The following DNM3 variants were observed in gnomAD, a reference collection of about 807,000 sequenced individuals.
The protein encoded by DNM3 is dynamin-3.
DNM3 carries 47 observed loss-of-function variants against 101.6 expected under a neutral mutation model. That is an observed-to-expected ratio of 0.46 (90% CI 0.37 to 0.59). The LOEUF (loss-of-function observed/expected upper bound fraction) is 0.59, where lower values mean the gene tolerates loss of function less well. DNM3 is among the 20% of genes least tolerant of loss of function. The pLI is 0.00. For missense variants in DNM3, 849 were observed against 1,085.7 expected (o/e 0.78, Z 3.06); for synonymous variants, 385 against 387.9 (o/e 0.99, Z 0.09).
chr1:171,995,296 G>A (rs1225245842), intron 4 of DNM3, among the ~76,000 whole-genome samples: 1 of 151,662 alleles, frequency 6.6e-6, no homozygotes, highest in Non-Finnish European at 1.5e-5. Context: ...GTGGAGACAG[G>A]GTTTCACCAT....
intron 2 of DNM3, among the ~76,000 whole-genome samples, chr1:171,937,087 A>G (rs2125394233): frequency 6.6e-6 from 1 of 152,350 alleles, no homozygotes; most frequent in Non-Finnish European, 1.5e-5. Flanking sequence ...TTTCTGTACA[A>G]TGTCAAGGAC....
intron 14 of DNM3, among the ~76,000 whole-genome samples, chr1:172,219,913 C>T (rs1366292975): frequency 1.4e-5 from 2 of 142,754 alleles, no homozygotes; most frequent in African/African-American, 5.3e-5. Flanking sequence ...AAATAGAAGA[C>T]CCTGAGAAAA....
At chr1:171,989,314 TA>T (rs1246699621) in intron 4 of DNM3, among the ~76,000 whole-genome samples, 166 bp downstream of exon 4, 5 of 151,842 alleles carry the variant, frequency 3.3e-5, no homozygotes, top group African/African-American at 1.2e-4. Context: ...TATTTAATAT[TA>T]AAAAATAATA....
At chr1:171,868,940 C>T (rs368779382) in intron 1 of DNM3, among the ~76,000 whole-genome samples, 8 of 152,060 alleles carry the variant, frequency 5.3e-5, no homozygotes, top group East Asian at 1.9e-4. Context: ...TGCGCCACCA[C>T]ACCCGGCTAA....
chr1:171,879,317 A>G (rs2036056163), intron 1 of DNM3, among the ~76,000 whole-genome samples: 1 of 152,204 alleles, frequency 6.6e-6, no homozygotes, highest in Admixed American at 6.5e-5. Context: ...ATGTTTTAAA[A>G]GTCTAGGGTT....
At chr1:171,963,249 G>T (rs577813219) in intron 2 of DNM3, among the ~76,000 whole-genome samples, 1 of 152,096 alleles carries the variant, frequency 6.6e-6, no homozygotes, top group Non-Finnish European at 1.5e-5. Context: ...AAAACTTAAT[G>T]CATATTACTA....
At chr1:172,083,724 G>C (rs2053323315) in intron 12 of DNM3, among the ~76,000 whole-genome samples, 1 of 151,980 alleles carries the variant, frequency 6.6e-6, no homozygotes, top group Non-Finnish European at 1.5e-5. Flanking sequence ...TGATAAATGA[G>C]CTAGAGTTTC....
At chr1:172,058,872 A>C (rs1158896039) in intron 10 of DNM3, among the ~76,000 whole-genome samples, 10 of 65,720 alleles carry the variant, frequency 1.5e-4, no homozygotes, top group Non-Finnish European at 2.2e-4. Flanking sequence ...AAATAGAGAC[A>C]AAAAAAACCC....
At chr1:171,941,419 A>G (rs1214935171) in intron 2 of DNM3, among the ~76,000 whole-genome samples, 4 of 152,234 alleles carry the variant, frequency 2.6e-5, no homozygotes, top group African/African-American at 9.6e-5. Context: ...CAGGAGTGAT[A>G]TGAAGAAATA....
chr1:172,002,890 A>C (rs2046439832), intron 4 of DNM3, among the ~76,000 whole-genome samples: 1 of 152,058 alleles, frequency 6.6e-6, no homozygotes, highest in Non-Finnish European at 1.5e-5. Context: ...TCAATGTAAA[A>C]GGCCTCAACG....
intron 2 of DNM3, among the ~76,000 whole-genome samples, chr1:171,957,938 G>T (rs2042968470): frequency 6.6e-6 from 1 of 152,006 alleles, no homozygotes; most frequent in Non-Finnish European, 1.5e-5. Context: ...ACATCTTCAG[G>T]TATCTTTATA....
At chr1:172,287,860 G>T (rs1347456416) in intron 15 of DNM3, among the ~76,000 whole-genome samples, 2 of 151,092 alleles carry the variant, frequency 1.3e-5, no homozygotes, top group Non-Finnish European at 2.9e-5. Context: ...ATCTTGCTCT[G>T]TTGCCAGGCT....
intron 20 of DNM3, chr1:172,394,161 G>T (rs1255316610): frequency 6.6e-6 from 1 of 152,152 alleles, no homozygotes. Flanking sequence ...TTTCAATCTG[G>T]TTTAAGTGAA....
At chr1:172,412,802 T>TTGA (rs1233927393), downstream of DNM3, 5 of 922,378 alleles carry the variant, frequency 5.4e-6, no homozygotes, top group African/African-American at 8.9e-5. Context: ...TATAGCTCTT[T>TTGA]TGATTAAATT....
At chr1:172,071,250 G>T (rs2052168562) in intron 11 of DNM3, among the ~76,000 whole-genome samples, 1 of 151,674 alleles carries the variant, frequency 6.6e-6, no homozygotes, top group South Asian at 2.1e-4. Context: ...CTCAGTTACA[G>T]TGGTTAATTT....
chr1:172,113,783 T>A (rs958281339), intron 13 of DNM3, among the ~76,000 whole-genome samples: 1 of 152,182 alleles, frequency 6.6e-6, no homozygotes, highest in African/African-American at 2.4e-5. Context: ...CTGTGAGTTA[T>A]CCCTTTTGTG....
chr1:172,029,955 CA>C (rs2048484557), intron 4 of DNM3, among the ~76,000 whole-genome samples: 1 of 152,160 alleles, frequency 6.6e-6, no homozygotes, highest in African/African-American at 2.4e-5. Context: ...TAGGAAGAAT[CA>C]ATATCATGAA....
chr1:172,405,530 G>A (rs1023399648), intron 20 of DNM3, among the ~76,000 whole-genome samples: 7 of 152,052 alleles, frequency 4.6e-5, no homozygotes, highest in Admixed American at 1.3e-4. Flanking sequence ...CTTGATCCAA[G>A]CTATCACATA....
intron 17 of DNM3, among the ~76,000 whole-genome samples, chr1:172,366,125 T>C (rs1413257070): frequency 2.6e-5 from 4 of 151,774 alleles, no homozygotes; most frequent in Non-Finnish European, 5.9e-5. Flanking sequence ...CCCTGCTACT[T>C]GGGAAGTTGA....
Sources: gnomAD v4.1 joint callset for allele counts (sites outside exome capture counted in the v4.1 genomes callset) on GRCh38, gnomAD v4.1.1 for gene constraint, MANE v1.5 for transcripts, NCBI Gene and HGNC (gene_info 2026-07-23, HGNC 2026-07-21) for gene names.